OR51C1: variants seen among roughly 807,000 people sequenced by gnomAD.
OR51C1 encodes olfactory receptor OR51C1.
At chr11:4,693,599 T>G in the OR51C1 span, among the ~76,000 whole-genome samples, 2 of 152,042 alleles carry the variant, frequency 1.3e-5, no homozygotes, top group African/African-American at 4.8e-5. Context: ...CGGGCGCCTG[T>G]AGTTCCAGCT....
At chr11:4,696,721 G>A in the OR51C1 span, among the ~76,000 whole-genome samples, 5 of 152,208 alleles carry the variant, frequency 3.3e-5, no homozygotes, top group South Asian at 1.0e-3. Context: ...TGTGAAATAA[G>A]CTATATTCTC....
chr11:4,697,154 T>C, the OR51C1 span, among the ~76,000 whole-genome samples: 10 of 152,212 alleles, frequency 6.6e-5, no homozygotes, highest in Non-Finnish European at 1.5e-4. Context: ...CACATACAAC[T>C]GGTGAAAGTC....
chr11:4,693,027 T>A, the OR51C1 span, among the ~76,000 whole-genome samples: 5 of 152,286 alleles, frequency 3.3e-5, no homozygotes, highest in East Asian at 9.6e-4. Context: ...CTAAAATGTA[T>A]GATCAAACCT....
the OR51C1 span, chr11:4,691,790 T>C: frequency 3.1e-6 from 1 of 320,544 alleles, no homozygotes; most frequent in Non-Finnish European, 6.1e-6. Flanking sequence ...AATAATTTTA[T>C]TGTACAGAAA....
chr11:4,693,547 T>C, the OR51C1 span, among the ~76,000 whole-genome samples: 11 of 151,964 alleles, frequency 7.2e-5, no homozygotes, highest in Non-Finnish European at 1.5e-4. Flanking sequence ...TGGTGAAACC[T>C]CGTCTCTACT....
chr11:4,695,382 C>T, the OR51C1 span, among the ~76,000 whole-genome samples: 1 of 152,154 alleles, frequency 6.6e-6, no homozygotes, highest in African/African-American at 2.4e-5. Context: ...AAGCTTCCCA[C>T]AGTTTTGTAT....
chr11:4,696,096 CT>C, the OR51C1 span, among the ~76,000 whole-genome samples: 40 of 152,220 alleles, frequency 2.6e-4, no homozygotes, highest in South Asian at 2.1e-3. Flanking sequence ...GCAATCAAAC[CT>C]GTAATTTAGA....
chr11:4,691,472 T>C, the OR51C1 span: 1 of 456,444 alleles, frequency 2.2e-6, no homozygotes, highest in Admixed American at 2.4e-5. Context: ...CCAGAGTGGA[T>C]ATGGACAGGC....
chr11:4,696,958 T>C, the OR51C1 span, among the ~76,000 whole-genome samples: 381 of 152,340 alleles, frequency 2.5e-3, 2 homozygotes, highest in African/African-American at 8.7e-3. Flanking sequence ...TTAATAAAAA[T>C]ATTACTCATA....
chr11:4,694,531 C>CATATATATATATACACACACACAT, the OR51C1 span, among the ~76,000 whole-genome samples: 3 of 147,160 alleles, frequency 2.0e-5, no homozygotes, highest in Non-Finnish European at 4.5e-5. Context: ...TACACACACA[C>CATATATATATATACACACACACAT]ATATATACGT....
At chr11:4,695,090 G>A in the OR51C1 span, among the ~76,000 whole-genome samples, 2 of 152,168 alleles carry the variant, frequency 1.3e-5, no homozygotes, top group African/African-American at 2.4e-5. Flanking sequence ...AATGAAGCTA[G>A]AGAAAGCACC....
the OR51C1 span, chr11:4,691,552 T>C: frequency 1.8e-5 from 8 of 456,794 alleles, no homozygotes; most frequent in Non-Finnish European, 3.1e-5. Flanking sequence ...TGAGTGATGG[T>C]AGCGAAGAGG....
chr11:4,695,162 G>A, the OR51C1 span, among the ~76,000 whole-genome samples: 1 of 152,142 alleles, frequency 6.6e-6, no homozygotes, highest in Non-Finnish European at 1.5e-5. Context: ...AATTTTTGCA[G>A]AGCATCAAGA....
the OR51C1 span, chr11:4,691,219 C>T: frequency 6.6e-6 from 3 of 456,798 alleles, no homozygotes; most frequent in South Asian, 3.1e-5. Context: ...AGAAGTGCTA[C>T]CATTGGTGTC....
chr11:4,691,245 CT>C, the OR51C1 span: 1 of 456,914 alleles, frequency 2.2e-6, no homozygotes. Flanking sequence ...TAGGAGCCCC[CT>C]GATGACACTT....
chr11:4,691,051 G>A, the OR51C1 span: 53 of 456,734 alleles, frequency 1.2e-4, no homozygotes, highest in African/African-American at 1.0e-3. Flanking sequence ...ACATAAGAAA[G>A]GAGGATGAGA....
chr11:4,692,278 A>T, the OR51C1 span: 1 of 347,752 alleles, frequency 2.9e-6, no homozygotes, highest in Admixed American at 3.5e-5. Flanking sequence ...TGGCTTCAGC[A>T]TCTAACCATT....
the OR51C1 span, among the ~76,000 whole-genome samples, chr11:4,692,683 G>A: frequency 2.6e-5 from 4 of 152,140 alleles, no homozygotes; most frequent in Non-Finnish European, 5.9e-5. Flanking sequence ...CTCAATCAAT[G>A]AGAGAGAGCC....
the OR51C1 span, chr11:4,692,231 T>C: frequency 2.3e-6 from 1 of 432,286 alleles, no homozygotes; most frequent in African/African-American, 2.0e-5. Flanking sequence ...AAGAGATCAT[T>C]ATAATACAAA....
Sources: allele counts gnomAD v4.1 joint callset (sites outside exome capture counted in the v4.1 genomes callset), GRCh38; gene constraint gnomAD v4.1.1; transcripts MANE v1.5; gene names NCBI Gene and HGNC (gene_info 2026-07-23, HGNC 2026-07-21).